TUBGCP4: variants seen among roughly 807,000 people sequenced by gnomAD.
The protein encoded by TUBGCP4 is tubulin gamma complex component 4.
Under a neutral mutation model 91.6 loss-of-function variants are expected in TUBGCP4, and 54 were observed. That is an observed-to-expected ratio of 0.59 (90% CI 0.47 to 0.74). The LOEUF (loss-of-function observed/expected upper bound fraction) is 0.74, where lower values mean the gene tolerates loss of function less well. Ranked by LOEUF, TUBGCP4 falls within the 30% of genes least tolerant of loss-of-function variation. TUBGCP4 has a pLI of 0.00. For missense variants in TUBGCP4, 593 were observed against 800.9 expected (o/e 0.74, Z 3.13); for synonymous variants, 297 against 302.8 (o/e 0.98, Z 0.20).
At chr15:43,395,812 T>C in intron 11 of TUBGCP4, 124 bp downstream of exon 11, 2 of 749,928 alleles carry the variant, frequency 2.7e-6, no homozygotes, top group Non-Finnish European at 4.6e-6. Flanking sequence ...GAGCAGTGGC[T>C]TCCAGAGATG....
chr15:43,397,075 G>A (rs2044593330), intron 11 of TUBGCP4, 139 bp from the exon 12 acceptor site: 1 of 682,444 alleles, frequency 1.5e-6, no homozygotes, highest in South Asian at 1.7e-5. Flanking sequence ...GGATGGATGG[G>A]TGTTAGACAA....
Position 43,409,499 on chromosome 15 carries a change from C to T in TUBGCP4, c.*4285C>T. ...CCTATACACAACAAAAATTCTATTTCATGCAAAAACATTTTGGCAGTTTCT... is the reference window on the plus strand; with the variant it reads ...CCTATACACAACAAAAATTCTATTTTATGCAAAAACATTTTGGCAGTTTCT... On this transcript the variant is annotated 3_prime_UTR_variant, in exon 18 of 18. Transcript: ENST00000564079. 1.9e-6 allele frequency: 1 copy of T among 521,312 alleles called. No homozygotes were observed. Among genetic ancestry groups the T allele is most frequent in the Non-Finnish European group, 3.4e-6 (1 of 296,832 alleles). 32.3% of individuals were successfully genotyped at this position (521,312 alleles called of 1,614,324 possible). A position where few individuals can be genotyped will look rare whatever the true frequency, so the allele number is the denominator to read the frequency against.
intron 3 of TUBGCP4, 41 bp from the exon 4 acceptor site, chr15:43,376,973 T>C: frequency 2.7e-6 from 4 of 1,499,954 alleles, no homozygotes; most frequent in Non-Finnish European, 3.7e-6. Context: ...AGATTTGAGA[T>C]ATTTTGTGTG....
Position 43,407,558 on chromosome 15 carries a change from C to T in TUBGCP4, c.*2344C>T. ...GTCCGTCACCACCACATCAAATACC[C>T]CTAAAGCAATATCTGCAAGGAGCAA... On this transcript the variant is annotated 3_prime_UTR_variant, in exon 18 of 18. Coordinates refer to ENST00000564079, the MANE Select transcript of TUBGCP4 (RefSeq NM_014444.5). The T allele has an allele frequency of 1.2e-6, 2 of 1,611,774 alleles. No individual in the cohort carries two copies. The highest frequency in any genetic ancestry group is 1.7e-6 in the Non-Finnish European group (2 of 1,178,384).
rs2044118386 is a variant in TUBGCP4, at chr15:43,371,415, A to G, written c.61A>G (p.Lys21Glu). 1 of 1,614,026 alleles carries G rather than the reference A, an allele frequency of 6.2e-7. No individual in the cohort carries two copies. Residue 21 changes from lysine (K) to glutamate (E), a missense_variant, in exon 1 of 18, where the codon AAG becomes GAG. Physicochemically the swap from Lys to Glu is moderately conservative, Grantham distance 56. Transcript: ENST00000564079. ...CCCTGGGTCCATTTTCACCTGGAAC[A>G]AGCGGAGTGGCCTGCAGGTACTGTC... ...GYPGSIFTWN[K>E]RSGLQVSQDF...
chr15:43,383,562 A>G (rs2044315192), intron 7 of TUBGCP4, 58 bp downstream of exon 7: 2 of 1,454,510 alleles, frequency 1.4e-6, no homozygotes, highest in East Asian at 4.6e-5. Flanking sequence ...AAGCATGCAC[A>G]CAAATGATCT....
rs181025613 is a variant in TUBGCP4, at chr15:43,385,978, G to A, written c.889+22G>A. On this transcript the variant is annotated intron_variant, in intron 8 of 17. Coordinates refer to ENST00000564079, the MANE Select transcript of TUBGCP4 (RefSeq NM_014444.5). ...AAAGGTAGAAATCTCCTTGTCCAAT[G>A]TACCACACCCTCAAAATCTCTTCTT... The A allele has an allele frequency of 3.8e-4, 610 of 1,612,106 alleles. 4 individuals carry two copies. In the African/African-American group the frequency reaches 7.5e-3, roughly 20 times the overall value.
chr15:43,407,876 AG>A lies in TUBGCP4; in HGVS notation c.*2664del, dbSNP rs2044966363. On this transcript the variant is annotated 3_prime_UTR_variant, in exon 18 of 18. Coordinates refer to ENST00000564079, the MANE Select transcript of TUBGCP4 (RefSeq NM_014444.5). The stretch of plus-strand genomic sequence containing the variant: ...TATTAGGCCTGAGCCTTGGACCACA[AG>A]GCCTAACACCTACAGGTCTAAGGAG... 1.3e-6 allele frequency: 2 copies of A among 1,489,032 alleles called. No homozygotes were observed. The highest frequency in any genetic ancestry group is 1.8e-6 in the Non-Finnish European group (2 of 1,107,336). The allele number at this position is 1,489,032 out of a possible 1,614,324, so 92.2% of individuals were successfully genotyped here.
Position 43,376,202 on chromosome 15 carries a change from G to C in TUBGCP4, c.183G>C (p.Gln61His). The change falls in exon 2 of 18, where the codon CAG becomes CAC. Residue 61 changes from glutamine (Q) to histidine (H), a missense_variant. By Grantham distance (24) the Gln-to-His change is conservative (BLOSUM62 0). Transcript: ENST00000564079. The part of the protein sequence containing the change: ...DYIRFTEFIE[Q>H]YTGHVQQQDH... ...TTCGCTTCACTGAGTTCATTGAACA[G>C]TACACGGGCCATGTGCAACAGCAGG... 6.2e-7 allele frequency: 1 copy of C among 1,613,978 alleles called. No homozygotes were observed. Among genetic ancestry groups the C allele is most frequent in the Non-Finnish European group, 8.5e-7 (1 of 1,180,020 alleles).
chr15:43,376,559 CT>C lies in TUBGCP4; in HGVS notation c.266del (p.Phe89SerfsTer38). On this transcript the variant is annotated frameshift_variant, in exon 3 of 18. Coordinates refer to ENST00000564079, the MANE Select transcript of TUBGCP4 (RefSeq NM_014444.5). LOFTEE classifies it high-confidence loss of function. Reference protein sequence around the residue: ...GGLHGIYLRAFCTGLDSVLQP... With the variant: ...GGLHGIYLRAXCTGLDSVLQP... The stretch of plus-strand genomic sequence containing the variant: ...GGTTACATGGAATCTACCTGCGGGC[CT>C]TCTGCACAGGGCTGGATTCTGTTTT... 6.2e-7 allele frequency: 1 copy of C among 1,614,200 alleles called. No individual in the cohort carries two copies. The highest frequency in any genetic ancestry group is 1.1e-5 in the South Asian group (1 of 91,086).
At chr15:43,402,055 A>G in intron 15 of TUBGCP4, 1 of 500,254 alleles carries the variant, frequency 2.0e-6, no homozygotes, top group South Asian at 2.4e-5. Flanking sequence ...GGCGGATCAC[A>G]AGGTCAGGAG....
At chr15:43,402,432 A>ACC in intron 15 of TUBGCP4, 1 of 152,376 alleles carries the variant, frequency 6.6e-6, no homozygotes, top group Non-Finnish European at 1.5e-5. Context: ...GGAGTTAAAG[A>ACC]AACTCAAAAT....
In TUBGCP4 at chr15:43,405,352, G is replaced by C; in HGVS notation, c.*138G>C. Reference sequence around the variant, plus strand: ...GACTCTACCTTTTCTCCTAGAAGCAGTTACTGAACATCCAGGAGTACAACT... The same window carrying C: ...GACTCTACCTTTTCTCCTAGAAGCACTTACTGAACATCCAGGAGTACAACT... On this transcript the variant is annotated 3_prime_UTR_variant, in exon 18 of 18. Coordinates refer to ENST00000564079, the MANE Select transcript of TUBGCP4 (RefSeq NM_014444.5). The C allele has an allele frequency of 1.1e-6, 1 of 943,200 alleles. No individual in the cohort carries two copies. The highest frequency in any genetic ancestry group is 1.5e-5 in the South Asian group (1 of 66,568). The allele number at this position is 943,200 out of a possible 1,614,324, so 58.4% of individuals were successfully genotyped here.
chr15:43,407,613 C>CTT lies in TUBGCP4; in HGVS notation c.*2400_*2401dup, dbSNP rs1197740628. The CTT allele has an allele frequency of 6.4e-6, 10 of 1,555,842 alleles. No individual in the cohort carries two copies. Among genetic ancestry groups the CTT allele is most frequent in the Non-Finnish European group, 8.8e-6 (10 of 1,140,702 alleles). The stretch of plus-strand genomic sequence containing the variant: ...AAGTGAAGAAGGAAAGGACACTCAA[C>CTT]TTAGCCCTCCATTAGAAAGAGAGAT... On this transcript the variant is annotated 3_prime_UTR_variant, in exon 18 of 18. Coordinates refer to ENST00000564079, the MANE Select transcript of TUBGCP4 (RefSeq NM_014444.5).
At chr15:43,395,506 T>C in intron 10 of TUBGCP4, 77 bp from the exon 11 acceptor site, 1 of 1,052,668 alleles carries the variant, frequency 9.5e-7, no homozygotes, top group East Asian at 2.4e-5. Context: ...GAAATTACTG[T>C]ATACATGTAA....
At position 43,408,553 on chromosome 15, in the gene TUBGCP4, C is replaced by A; in HGVS notation, c.*3339C>A. Reference sequence around the variant, plus strand: ...ATGAATGATCTGTATTCCTTGCATTCCTGGCTTTCTAATTTCCATGTTTGT... The same window carrying A: ...ATGAATGATCTGTATTCCTTGCATTACTGGCTTTCTAATTTCCATGTTTGT... On this transcript the variant is annotated 3_prime_UTR_variant, in exon 18 of 18. Coordinates refer to ENST00000564079, the MANE Select transcript of TUBGCP4 (RefSeq NM_014444.5). 1 of 315,908 alleles carries A rather than the reference C, an allele frequency of 3.2e-6. No homozygotes were observed. The highest frequency in any genetic ancestry group is 3.8e-5 in the South Asian group (1 of 26,060). The allele number at this position is 315,908 out of a possible 1,614,324, so 19.6% of individuals were successfully genotyped here.
At chr15:43,379,170 G>C (rs1380530839) in intron 5 of TUBGCP4, among the ~76,000 whole-genome samples, 1 of 152,194 alleles carries the variant, frequency 6.6e-6, no homozygotes, top group East Asian at 1.9e-4. Context: ...TCTAGGTTTG[G>C]GTTGAGAATG....
In TUBGCP4 at chr15:43,408,870, A is replaced by C. The variant is rs747104703; in HGVS notation, c.*3656A>C. 8.7e-6 allele frequency: 14 copies of C among 1,612,190 alleles called. No individual in the cohort carries two copies. The highest frequency in any genetic ancestry group is 1.7e-4 in the Middle Eastern group (1 of 6,030). The stretch of plus-strand genomic sequence containing the variant: ...AAGCTTGCTGTCCTCCTGCCTATAC[A>C]ATTCTGGATGGGCTTCAAATACTTA... On this transcript the variant is annotated 3_prime_UTR_variant, in exon 18 of 18. Coordinates refer to ENST00000564079, the MANE Select transcript of TUBGCP4 (RefSeq NM_014444.5).
At chr15:43,399,131 C>A (rs1469420392) in intron 13 of TUBGCP4, 1 of 1,276,130 alleles carries the variant, frequency 7.8e-7, no homozygotes, top group Non-Finnish European at 1.0e-6. Flanking sequence ...ATTTTAAAAA[C>A]CAAACAGAAT....
Sources: allele counts gnomAD v4.1 joint callset (sites outside exome capture counted in the v4.1 genomes callset), GRCh38; gene constraint gnomAD v4.1.1; transcripts MANE v1.5; gene names NCBI Gene and HGNC (gene_info 2026-07-23, HGNC 2026-07-21).